Variants in COL26A1 observed in about 807,000 individuals in gnomAD.
COL26A1 encodes the protein collagen alpha-1(XXVI) chain.
A neutral mutation model predicts 59.3 loss-of-function variants in COL26A1; 41 were observed. That is an observed-to-expected ratio of 0.69 (90% CI 0.54 to 0.90). The LOEUF (loss-of-function observed/expected upper bound fraction) is 0.90. COL26A1 is among the 40% of genes least tolerant of loss of function. COL26A1 has a pLI of 0.00. For synonymous variants in COL26A1, 266 were observed against 256.0 expected (o/e 1.04, Z -0.37); for missense variants, 612 against 602.3 (o/e 1.02, Z -0.17).
chr7:101,406,094 G>A (rs1792122577), intron 1 of COL26A1, among the ~76,000 whole-genome samples: 2 of 152,236 alleles, frequency 1.3e-5, no homozygotes, highest in South Asian at 2.1e-4. Flanking sequence ...AGACCTCCGT[G>A]CTGCGCCCTG....
chr7:101,526,858 G>A (rs1290686303), intron 3 of COL26A1, among the ~76,000 whole-genome samples: 2 of 152,206 alleles, frequency 1.3e-5, no homozygotes, highest in African/African-American at 2.4e-5. Flanking sequence ...GGAAAACTGA[G>A]GTGTGGAGAG....
intron 3 of COL26A1, among the ~76,000 whole-genome samples, chr7:101,464,568 C>G (rs1405437859): frequency 2.0e-5 from 3 of 151,514 alleles, no homozygotes; most frequent in Non-Finnish European, 4.4e-5. Flanking sequence ...CCTGCCACCA[C>G]GCCTGGCTAA....
At chr7:101,516,034 T>G (rs1795021641) in intron 3 of COL26A1, among the ~76,000 whole-genome samples, 1 of 152,194 alleles carries the variant, frequency 6.6e-6, no homozygotes, top group Non-Finnish European at 1.5e-5. Flanking sequence ...TAATTCTTAC[T>G]TTGGTGTAAA....
Position 101,491,121 on chromosome 7 carries a change from C to CT in COL26A1, c.386-41961_386-41960insT, listed in dbSNP as rs564252796. ...CTATTACCTTAAGCCCTGTGAGCCT[C>CT]AATTTTCTCACCTGAAAAATGGGGA... On this transcript the variant is annotated intron_variant, in intron 3 of 12. Transcript: ENST00000313669. Among the ~76,000 whole-genome samples the CT allele has an allele frequency of 3.8e-4, 58 of 151,932 alleles. No individual in the cohort carries two copies. In the East Asian group the frequency reaches 0.011, roughly 28 times the overall value.
intron 3 of COL26A1, among the ~76,000 whole-genome samples, chr7:101,473,547 G>C (rs958480116): frequency 2.6e-5 from 4 of 151,196 alleles, no homozygotes; most frequent in Non-Finnish European, 5.9e-5. Context: ...GGCTGAGGCA[G>C]GAGAATTGCT....
intron 3 of COL26A1, among the ~76,000 whole-genome samples, chr7:101,485,072 G>A (rs1469443867): frequency 6.6e-6 from 1 of 151,948 alleles, no homozygotes; most frequent in Non-Finnish European, 1.5e-5. Context: ...GGCTGGTCTC[G>A]AACTCCTGGC....
intron 3 of COL26A1, among the ~76,000 whole-genome samples, chr7:101,506,318 C>G (rs1021277515): frequency 2.6e-5 from 4 of 152,248 alleles, no homozygotes; most frequent in African/African-American, 9.6e-5. Flanking sequence ...TAAACCAACG[C>G]TGAAAAGCAC....
intron 3 of COL26A1, among the ~76,000 whole-genome samples, chr7:101,505,255 G>A (rs912662573): frequency 3.9e-5 from 6 of 152,126 alleles, no homozygotes; most frequent in African/African-American, 1.4e-4. Flanking sequence ...TTGTGTGTGT[G>A]CATGACTGTG....
chr7:101,506,422 G>C (rs1558006), intron 3 of COL26A1, among the ~76,000 whole-genome samples: 27,435 of 152,248 alleles, frequency 0.18, 5,345 homozygotes, highest in African/African-American at 0.49. Context: ...GGCTGCCAAT[G>C]AAAGAGCTGG....
intron 3 of COL26A1, among the ~76,000 whole-genome samples, chr7:101,516,951 A>C (rs1795040712): frequency 6.6e-6 from 1 of 152,076 alleles, no homozygotes; most frequent in African/African-American, 2.4e-5. Context: ...GTGGAAGAAA[A>C]AATTCATCCT....
chr7:101,503,781 C>T (rs1016811900), intron 3 of COL26A1, among the ~76,000 whole-genome samples: 1 of 152,210 alleles, frequency 6.6e-6, no homozygotes, highest in African/African-American at 2.4e-5. Flanking sequence ...TTGTTTCAGT[C>T]CTGAAGTCAC....
chr7:101,534,829 G>GC (rs112318853), intron 4 of COL26A1, among the ~76,000 whole-genome samples: 18,594 of 152,166 alleles, frequency 0.12, 1,493 homozygotes, highest in African/African-American at 0.22. Context: ...CTCTCTCAGA[G>GC]CCCCCTTCCT....
At chr7:101,387,831 G>A (rs545651824) in intron 1 of COL26A1, among the ~76,000 whole-genome samples, 141 of 143,588 alleles carry the variant, frequency 9.8e-4, no homozygotes, top group Middle Eastern at 7.1e-3. Flanking sequence ...GTGCAGTGGT[G>A]CAATCTCGAC....
chr7:101,478,722 G>A (rs11972080), intron 3 of COL26A1, among the ~76,000 whole-genome samples: 3,378 of 152,178 alleles, frequency 0.022, 141 homozygotes, highest in African/African-American at 0.076. Context: ...TCCTGTATGC[G>A]TTTTCTCTTT....
intron 1 of COL26A1, among the ~76,000 whole-genome samples, chr7:101,368,908 G>GT (rs775723364): frequency 6.6e-6 from 1 of 151,252 alleles, no homozygotes; most frequent in African/African-American, 2.4e-5. Flanking sequence ...CTCAAAATCT[G>GT]GCTCTTTCCA....
chr7:101,363,179 C>G lies in COL26A1; in HGVS notation c.147C>G (p.Tyr49Ter). The change falls in exon 1 of 13, where the codon TAC becomes TAG. Residue 49 changes from tyrosine to a stop codon, truncating the protein, a stop_gained. Transcript: ENST00000313669. LOFTEE classifies it high-confidence loss of function. The part of the protein sequence containing the change: ...EPGAGSPGSG[Y>*]ASRRHWCHHT... ...GCGCCGGCTCCCCTGGCAGCGGCTA[C>G]GCGAGCCGCCGGTGAGTAGCTCGGG... The G allele has an allele frequency of 6.7e-7, 1 of 1,486,574 alleles. No homozygotes were observed. Among genetic ancestry groups the G allele is most frequent in the East Asian group, 2.8e-5 (1 of 35,358 alleles). 92.1% of individuals were successfully genotyped at this position (1,486,574 alleles called of 1,614,324 possible). A position where few individuals can be genotyped will look rare whatever the true frequency, so the allele number is the denominator to read the frequency against.
At chr7:101,426,577 C>A (rs574123032) in intron 2 of COL26A1, among the ~76,000 whole-genome samples, 4 of 152,126 alleles carry the variant, frequency 2.6e-5, no homozygotes, top group Non-Finnish European at 5.9e-5. Context: ...AGAGTACAGC[C>A]TTTTCCAGAA....
At chr7:101,555,106 A>T (rs1303918522) in intron 11 of COL26A1, among the ~76,000 whole-genome samples, 1 of 152,140 alleles carries the variant, frequency 6.6e-6, no homozygotes, top group Non-Finnish European at 1.5e-5. Context: ...TCTCCTCATC[A>T]TCACTTTTCA....
At chr7:101,381,829 C>G (rs73712149) in intron 1 of COL26A1, among the ~76,000 whole-genome samples, 1 of 151,956 alleles carries the variant, frequency 6.6e-6, no homozygotes, top group Non-Finnish European at 1.5e-5. Flanking sequence ...AGAAAGAGGA[C>G]GTCCCTGGGG....
Sources: allele counts gnomAD v4.1 joint callset (sites outside exome capture counted in the v4.1 genomes callset), GRCh38; gene constraint gnomAD v4.1.1; transcripts MANE v1.5; gene names NCBI Gene and HGNC (gene_info 2026-07-23, HGNC 2026-07-21).